Variants in RPS6KC1 observed in about 807,000 individuals in gnomAD.
RPS6KC1 encodes the protein inactive ribosomal protein S6 kinase delta-1.
A neutral mutation model predicts 103.8 loss-of-function variants in RPS6KC1; 54 were observed. The observed-to-expected ratio is 0.52, with a 90% CI of 0.42 to 0.65. The LOEUF is 0.65. Among genes scored for constraint, RPS6KC1 ranks in the 30% least tolerant of loss-of-function variants. The pLI is 0.00. For synonymous variants in RPS6KC1, 439 were observed against 438.7 expected (o/e 1.00, Z -0.01); for missense variants, 1,151 against 1,253.8 (o/e 0.92, Z 1.24).
the RPS6KC1 span, among the ~76,000 whole-genome samples, chr1:213,697,610 A>G: frequency 6.6e-6 from 1 of 152,192 alleles, no homozygotes; most frequent in African/African-American, 2.4e-5. Context: ...GCCTTACCAG[A>G]GTTCAGAAGT....
At chr1:213,785,528 T>C in the RPS6KC1 span, among the ~76,000 whole-genome samples, 2 of 149,688 alleles carry the variant, frequency 1.3e-5, no homozygotes, top group African/African-American at 5.0e-5. Context: ...CAAGGGCCAA[T>C]AGTTTATCTC....
At chr1:213,809,967 A>G in the RPS6KC1 span, among the ~76,000 whole-genome samples, 6 of 152,226 alleles carry the variant, frequency 3.9e-5, no homozygotes, top group Non-Finnish European at 7.3e-5. Flanking sequence ...ACTGGAATAT[A>G]CTTGAGTTAT....
chr1:213,105,410 T>C (rs1033985790), intron 4 of RPS6KC1, among the ~76,000 whole-genome samples: 2 of 152,126 alleles, frequency 1.3e-5, no homozygotes, highest in Non-Finnish European at 2.9e-5. Context: ...ATCTATTCAC[T>C]TGTATAAGTT....
chr1:213,280,623 A>G, the RPS6KC1 span, among the ~76,000 whole-genome samples: 73 of 152,316 alleles, frequency 4.8e-4, no homozygotes, highest in South Asian at 0.015. Flanking sequence ...CCTTTTAAAA[A>G]TGGACTTCAT....
At chr1:213,647,328 G>A in the RPS6KC1 span, among the ~76,000 whole-genome samples, 1 of 152,080 alleles carries the variant, frequency 6.6e-6, no homozygotes, top group African/African-American at 2.4e-5. Flanking sequence ...TACCAATAGT[G>A]GCTCACACCA....
At chr1:213,092,904 T>G (rs1424148947) in intron 3 of RPS6KC1, among the ~76,000 whole-genome samples, 1 of 152,162 alleles carries the variant, frequency 6.6e-6, no homozygotes, top group Non-Finnish European at 1.5e-5. Flanking sequence ...ATTTAACACA[T>G]TTATCTTTAA....
chr1:213,603,041 C>T, the RPS6KC1 span, among the ~76,000 whole-genome samples: 103 of 152,282 alleles, frequency 6.8e-4, no homozygotes, highest in East Asian at 0.018. Context: ...TCCAACTATC[C>T]GATAATAACA....
intron 6 of RPS6KC1, among the ~76,000 whole-genome samples, chr1:213,158,305 A>G (rs541608737): frequency 4.6e-5 from 7 of 152,294 alleles, no homozygotes; most frequent in African/African-American, 1.2e-4. Context: ...GGTAAGATCT[A>G]TCTTGTTCTC....
the RPS6KC1 span, among the ~76,000 whole-genome samples, chr1:213,520,971 A>G: frequency 5.9e-5 from 9 of 152,206 alleles, no homozygotes; most frequent in Non-Finnish European, 8.8e-5. Context: ...TGGCCATTTG[A>G]TGTGTATAGT....
the RPS6KC1 span, among the ~76,000 whole-genome samples, chr1:213,854,162 C>G: frequency 2.0e-5 from 3 of 152,196 alleles, no homozygotes; most frequent in Non-Finnish European, 2.9e-5. Context: ...CCTACCTCAA[C>G]CACAAATAGA....
At chr1:213,368,755 G>A in the RPS6KC1 span, among the ~76,000 whole-genome samples, 11 of 152,296 alleles carry the variant, frequency 7.2e-5, no homozygotes, top group East Asian at 3.9e-4. Context: ...CTGCAAAAGA[G>A]AGCTGGCCAG....
At chr1:213,393,241 A>C in the RPS6KC1 span, among the ~76,000 whole-genome samples, 1 of 152,160 alleles carries the variant, frequency 6.6e-6, no homozygotes, top group East Asian at 1.9e-4. Flanking sequence ...TGGGAGAGAC[A>C]CAAGAGAGGG....
At chr1:213,316,605 G>A in the RPS6KC1 span, among the ~76,000 whole-genome samples, 1 of 152,110 alleles carries the variant, frequency 6.6e-6, no homozygotes, top group Non-Finnish European at 1.5e-5. Context: ...TTCATTTTAG[G>A]GAGAGGCAGA....
At position 213,115,992 on chromosome 1, in the gene RPS6KC1, A is replaced by G. The variant is rs561313217; in HGVS notation, c.379-1325A>G. Among the ~76,000 whole-genome samples, 26 of 152,134 alleles carry G rather than the reference A, an allele frequency of 1.7e-4. No individual in the cohort carries two copies. In the East Asian group the frequency reaches 3.7e-3, roughly 22 times the overall value. On this transcript the variant is annotated intron_variant, in intron 4 of 14. Transcript: ENST00000366960. The stretch of plus-strand genomic sequence containing the variant: ...TTCCAAGTATGTGGTCAATTTTGTA[A>G]TAGGTGTGGTGTGGTGCTGAAAAAA...
the RPS6KC1 span, among the ~76,000 whole-genome samples, chr1:213,477,149 T>C: frequency 1.3e-5 from 2 of 152,184 alleles, no homozygotes; most frequent in Non-Finnish European, 2.9e-5. Context: ...CTGTTCCTAA[T>C]GTGGTCTAAT....
At chr1:213,352,604 T>A in the RPS6KC1 span, among the ~76,000 whole-genome samples, 1 of 152,192 alleles carries the variant, frequency 6.6e-6, no homozygotes, top group Non-Finnish European at 1.5e-5. Context: ...AAAGATAGGC[T>A]CTTTGAAGCT....
chr1:213,791,362 T>C, the RPS6KC1 span, among the ~76,000 whole-genome samples: 7 of 152,316 alleles, frequency 4.6e-5, no homozygotes, highest in African/African-American at 1.7e-4. Context: ...AATTCTTTGC[T>C]AACAAACTCG....
the RPS6KC1 span, among the ~76,000 whole-genome samples, chr1:213,775,196 G>A: frequency 7.9e-5 from 12 of 151,978 alleles, no homozygotes; most frequent in Non-Finnish European, 1.6e-4. Context: ...TGATATGTAG[G>A]CATTATTGTG....
the RPS6KC1 span, among the ~76,000 whole-genome samples, chr1:213,798,641 C>T: frequency 4.6e-5 from 7 of 152,134 alleles, no homozygotes; most frequent in Non-Finnish European, 8.8e-5. Flanking sequence ...CTTGTTTGGG[C>T]AGAAGAGGAG....
Sources: allele counts gnomAD v4.1 joint callset (sites outside exome capture counted in the v4.1 genomes callset), GRCh38; gene constraint gnomAD v4.1.1; transcripts MANE v1.5; gene names NCBI Gene and HGNC (gene_info 2026-07-23, HGNC 2026-07-21).